FHIT: variants seen among roughly 807,000 people sequenced by gnomAD.
FHIT encodes bis(5'-adenosyl)-triphosphatase.
A neutral mutation model predicts 17.9 loss-of-function variants in FHIT; 19 were observed. That is an observed-to-expected ratio of 1.06 (90% CI 0.74 to 1.56). FHIT has a LOEUF of 1.56. FHIT is among the 40% of genes most tolerant of loss of function. FHIT has a pLI of 0.00. For synonymous variants in FHIT, 81 were observed against 69.7 expected (o/e 1.16, Z -0.81); for missense variants, 248 against 189.2 (o/e 1.31, Z -1.82).
intron 7 of FHIT, among the ~76,000 whole-genome samples, chr3:59,949,075 T>C (rs1706983145): frequency 6.6e-6 from 1 of 152,182 alleles, no homozygotes; most frequent in Non-Finnish European, 1.5e-5. Context: ...CCATAGTCTA[T>C]ATTGTTACCA....
At chr3:60,285,562 G>A (rs1239610096) in intron 5 of FHIT, among the ~76,000 whole-genome samples, 1 of 152,122 alleles carries the variant, frequency 6.6e-6, no homozygotes. Flanking sequence ...TTCAAACACA[G>A]ATCTAGATGC....
Position 60,164,854 on chromosome 3 carries a change from G to A in FHIT, c.104-150702C>T, listed in dbSNP as rs148187801. ...TATTTCCTTGCCTAATTATACCTAC[G>A]TACCAGTCCAAATCTCCATTCTTCC... On this transcript the variant is annotated intron_variant, in intron 5 of 9. Coordinates refer to ENST00000492590, the MANE Select transcript of FHIT (RefSeq NM_002012.4). 1.7e-4 allele frequency among the ~76,000 whole-genome samples: 26 copies of A among 152,110 alleles called. 1 individual carries two copies. In the East Asian group the frequency reaches 5.0e-3, roughly 29 times the overall value.
chr3:60,414,400 T>C (rs968904964), intron 5 of FHIT, among the ~76,000 whole-genome samples: 1 of 152,184 alleles, frequency 6.6e-6, no homozygotes, highest in African/African-American at 2.4e-5. Flanking sequence ...AGGGAAGCTC[T>C]AGATACCCTG....
intron 3 of FHIT, among the ~76,000 whole-genome samples, chr3:60,939,086 A>G (rs566137087): frequency 3.3e-5 from 5 of 152,184 alleles, no homozygotes; most frequent in African/African-American, 7.2e-5. Flanking sequence ...GCAATTCTAC[A>G]TGGTCCAATC....
intron 5 of FHIT, among the ~76,000 whole-genome samples, chr3:60,243,959 T>A (rs1047110572): frequency 6.6e-6 from 1 of 152,084 alleles, no homozygotes; most frequent in Non-Finnish European, 1.5e-5. Flanking sequence ...GTTACCATCA[T>A]GTACACTCGG....
In FHIT at chr3:60,405,640, C is replaced by T. The variant is rs762006915; in HGVS notation, c.103+131220G>A. Among the ~76,000 whole-genome samples the T allele has an allele frequency of 1.1e-3, 171 of 152,286 alleles. 2 individuals are homozygous for T. The highest frequency in any genetic ancestry group is 2.4e-3 in the Admixed American group (36 of 15,302). On this transcript the variant is annotated intron_variant, in intron 5 of 9. Coordinates refer to ENST00000492590, the MANE Select transcript of FHIT (RefSeq NM_002012.4). ...GTGCCCCAAGAGAAGCCTCCTACATCGCTAGCCAGAGGTCCCCAACTGGCA... is the reference window on the plus strand; with the variant it reads ...GTGCCCCAAGAGAAGCCTCCTACATTGCTAGCCAGAGGTCCCCAACTGGCA...
At chr3:60,680,821 C>T (rs2040729406) in intron 4 of FHIT, among the ~76,000 whole-genome samples, 1 of 152,144 alleles carries the variant, frequency 6.6e-6, no homozygotes, top group African/African-American at 2.4e-5. Context: ...GGCACTAGAG[C>T]ACATTTCCCA....
chr3:60,376,349 C>CA (rs903364413), intron 5 of FHIT, among the ~76,000 whole-genome samples: 1 of 151,982 alleles, frequency 6.6e-6, no homozygotes, highest in Non-Finnish European at 1.5e-5. Flanking sequence ...AAGTGAATAC[C>CA]AAAGGTTCAT....
At chr3:60,554,209 G>GT (rs1243390890) in intron 4 of FHIT, among the ~76,000 whole-genome samples, 5 of 150,404 alleles carry the variant, frequency 3.3e-5, no homozygotes, top group Non-Finnish European at 7.4e-5. Context: ...GCCGAGATTC[G>GT]TTTTTTTCAT....
intron 5 of FHIT, among the ~76,000 whole-genome samples, chr3:60,073,043 C>T (rs1032224047): frequency 6.6e-6 from 1 of 152,142 alleles, no homozygotes; most frequent in Non-Finnish European, 1.5e-5. Flanking sequence ...CTCCTATCAT[C>T]CAAGTTTGAA....
intron 5 of FHIT, among the ~76,000 whole-genome samples, chr3:60,405,388 T>A (rs1052656660): frequency 2.0e-5 from 3 of 152,194 alleles, no homozygotes; most frequent in Non-Finnish European, 4.4e-5. Context: ...CAGACCCAGA[T>A]ACATGGGGGA....
chr3:59,967,766 T>C (rs1707994137), intron 7 of FHIT, among the ~76,000 whole-genome samples: 1 of 151,808 alleles, frequency 6.6e-6, no homozygotes, highest in South Asian at 2.1e-4. Flanking sequence ...TATATAAAGC[T>C]ACCATAATTC....
At chr3:60,120,183 A>G (rs1705183312) in intron 5 of FHIT, among the ~76,000 whole-genome samples, 1 of 152,218 alleles carries the variant, frequency 6.6e-6, no homozygotes, top group African/African-American at 2.4e-5. Flanking sequence ...ATGAGCATGT[A>G]GTCTTGCCTG....
At chr3:61,219,757 GCTGATTTTT>G (rs1379846344) in intron 1 of FHIT, among the ~76,000 whole-genome samples, 1 of 152,130 alleles carries the variant, frequency 6.6e-6, no homozygotes. Flanking sequence ...GATTTATCTT[GCTGATTTTT>G]CAGAGGATAG....
intron 1 of FHIT, among the ~76,000 whole-genome samples, chr3:61,238,072 A>C (rs1472819586): frequency 6.6e-6 from 1 of 152,130 alleles, no homozygotes; most frequent in Non-Finnish European, 1.5e-5. Flanking sequence ...ATGCATGGAG[A>C]CAGCAATAAA....
intron 8 of FHIT, among the ~76,000 whole-genome samples, chr3:59,769,012 A>T (rs761918551): frequency 6.6e-6 from 1 of 152,258 alleles, no homozygotes; most frequent in African/African-American, 2.4e-5. Flanking sequence ...TGGATCCCAC[A>T]TAACAATATC....
chr3:60,514,415 T>C (rs13319467), intron 5 of FHIT, among the ~76,000 whole-genome samples: 24,618 of 152,198 alleles, frequency 0.16, 2,288 homozygotes, highest in Middle Eastern at 0.25. Context: ...TGGCCAGCAG[T>C]GGGCTGAGTA....
intron 8 of FHIT, among the ~76,000 whole-genome samples, chr3:59,770,075 G>A (rs1227912989): frequency 6.6e-6 from 1 of 152,136 alleles, no homozygotes; most frequent in Non-Finnish European, 1.5e-5. Context: ...ACAGAAAAAT[G>A]CCCAGACTTG....
chr3:60,863,349 C>A (rs560544873), intron 3 of FHIT, among the ~76,000 whole-genome samples: 112 of 152,272 alleles, frequency 7.4e-4, no homozygotes, highest in African/African-American at 2.6e-3. Flanking sequence ...GCTGCTGATA[C>A]CTCGATTTTA....
Sources: gnomAD v4.1 joint callset for allele counts (sites outside exome capture counted in the v4.1 genomes callset) on GRCh38, gnomAD v4.1.1 for gene constraint, MANE v1.5 for transcripts, NCBI Gene and HGNC (gene_info 2026-07-23, HGNC 2026-07-21) for gene names.